RPRD2: variants seen among roughly 807,000 people sequenced by gnomAD.
RPRD2 encodes regulation of nuclear pre-mRNA domain containing 2, also known as regulation of nuclear pre-mRNA domain-containing protein 2.
In RPRD2, 12 loss-of-function variants were observed where a neutral mutation model predicts 104.4. The ratio of observed to expected loss-of-function variants is 0.11; its 90% CI spans 0.07 to 0.19. The LOEUF is 0.19. Among genes scored for constraint, RPRD2 ranks in the 10% least tolerant of loss-of-function variants. The pLI is 1.00. For synonymous variants in RPRD2, 714 were observed against 684.9 expected (o/e 1.04, Z -0.66); for missense variants, 1,543 against 1,790.1 (o/e 0.86, Z 2.49).
At chr1:150,437,027 G>A (rs1295668446) in intron 2 of RPRD2, among the ~76,000 whole-genome samples, 6 of 152,184 alleles carry the variant, frequency 3.9e-5, no homozygotes, top group Admixed American at 2.6e-4. Context: ...GCAACATTGC[G>A]AGACGTAGTC....
At chr1:150,416,728 T>C (rs1572429514) in intron 1 of RPRD2, among the ~76,000 whole-genome samples, 1 of 151,678 alleles carries the variant, frequency 6.6e-6, no homozygotes, top group African/African-American at 2.4e-5. Flanking sequence ...AAAAATTAGC[T>C]GGGCGTGGTA....
intron 2 of RPRD2, among the ~76,000 whole-genome samples, chr1:150,429,847 C>T (rs782178274): frequency 3.9e-5 from 6 of 152,126 alleles, no homozygotes; most frequent in Non-Finnish European, 7.4e-5. Flanking sequence ...ATAACTACAT[C>T]CTTGACAAAA....
chr1:150,374,591 A>G (rs1182836324), intron 1 of RPRD2, among the ~76,000 whole-genome samples: 3 of 152,190 alleles, frequency 2.0e-5, no homozygotes, highest in African/African-American at 7.2e-5. Context: ...GCTCTCTTCC[A>G]GTGTCAGAAT....
chr1:150,391,178 A>G (rs907010673), intron 1 of RPRD2, among the ~76,000 whole-genome samples: 30 of 152,370 alleles, frequency 2.0e-4, no homozygotes, highest in African/African-American at 7.2e-4. Context: ...TTCAAAGTGC[A>G]GAGAGAAAAC....
At chr1:150,419,172 C>G (rs1553889147) in intron 2 of RPRD2, among the ~76,000 whole-genome samples, 1 of 152,094 alleles carries the variant, frequency 6.6e-6, no homozygotes, top group African/African-American at 2.4e-5. Flanking sequence ...ATACTGTGTT[C>G]TTTGTGTTGC....
chr1:150,370,337 A>G (rs587703625), intron 1 of RPRD2, among the ~76,000 whole-genome samples: 78 of 152,182 alleles, frequency 5.1e-4, no homozygotes, highest in African/African-American at 1.9e-3. Context: ...TAAACTGTGA[A>G]CCTCAGTTTT....
chr1:150,454,209 C>G (rs1553897152), intron 7 of RPRD2, among the ~76,000 whole-genome samples: 1 of 152,148 alleles, frequency 6.6e-6, no homozygotes, highest in African/African-American at 2.4e-5. Context: ...TAATTTTTGC[C>G]TGTTAAGACC....
chr1:150,375,010 C>CTTTTTTTTTT (rs34418501), intron 1 of RPRD2, among the ~76,000 whole-genome samples: 1 of 143,612 alleles, frequency 7.0e-6, no homozygotes, highest in Non-Finnish European at 1.5e-5. Flanking sequence ...CCTAAGTCAC[C>CTTTTTTTTTT]TTTTTTTTTT....
chr1:150,392,693 A>G (rs190118238), intron 1 of RPRD2, among the ~76,000 whole-genome samples: 2 of 152,238 alleles, frequency 1.3e-5, no homozygotes, highest in Admixed American at 1.3e-4. Context: ...CTAAATAAAA[A>G]ATAGCTGGGC....
intron 1 of RPRD2, among the ~76,000 whole-genome samples, chr1:150,399,105 G>A (rs1662771421): frequency 6.6e-6 from 1 of 151,834 alleles, no homozygotes. Context: ...AGGCTCTAGG[G>A]ATCCTCCCAC....
intron 1 of RPRD2, among the ~76,000 whole-genome samples, chr1:150,381,615 C>T (rs1040157883): frequency 6.6e-6 from 1 of 151,792 alleles, no homozygotes; most frequent in Non-Finnish European, 1.5e-5. Flanking sequence ...TGCCATTCTC[C>T]TGCCTCAGTC....
intron 10 of RPRD2, among the ~76,000 whole-genome samples, chr1:150,468,700 G>A (rs893146069): frequency 2.6e-5 from 4 of 152,026 alleles, no homozygotes; most frequent in Non-Finnish European, 5.9e-5. Context: ...AACATGGTGA[G>A]ACCTTGTCTC....
intron 7 of RPRD2, among the ~76,000 whole-genome samples, chr1:150,451,162 GTTTA>G (rs1302677298): frequency 6.6e-6 from 1 of 152,092 alleles, no homozygotes; most frequent in African/African-American, 2.4e-5. Context: ...CCCAGTTTGA[GTTTA>G]TTTGATATTT....
At chr1:150,385,234 G>A (rs1327982933) in intron 1 of RPRD2, among the ~76,000 whole-genome samples, 1 of 152,138 alleles carries the variant, frequency 6.6e-6, no homozygotes, top group Non-Finnish European at 1.5e-5. Flanking sequence ...GGCTGAGGTG[G>A]GAGGATTGCA....
rs587644518 is a variant in RPRD2, at chr1:150,405,403, T to G, written c.206-12193T>G. Among the ~76,000 whole-genome samples, 12 of 132,638 alleles carry G rather than the reference T, an allele frequency of 9.0e-5. No homozygotes were observed. In the East Asian group the frequency reaches 2.3e-3, roughly 25 times the overall value. The allele number at this position is 132,638 out of a possible 152,430, so 87.0% of individuals were successfully genotyped here. A position where few individuals can be genotyped will look rare whatever the true frequency, so the allele number is the denominator to read the frequency against. Reference sequence around the variant, plus strand: ...GGAAATTTTTAGTAATGACAAAATTTTTTATTTTTTTTTGGTAAATAGCCT... The same window carrying G: ...GGAAATTTTTAGTAATGACAAAATTGTTTATTTTTTTTTGGTAAATAGCCT... On this transcript the variant is annotated intron_variant, in intron 1 of 10. Transcript: ENST00000369068.
intron 2 of RPRD2, among the ~76,000 whole-genome samples, chr1:150,427,719 A>G (rs1665249657): frequency 6.6e-6 from 1 of 152,082 alleles, no homozygotes; most frequent in South Asian, 2.1e-4. Flanking sequence ...GGATCTCTTG[A>G]GCCCAGGAGG....
At chr1:150,392,330 C>A (rs1662145592) in intron 1 of RPRD2, among the ~76,000 whole-genome samples, 1 of 152,124 alleles carries the variant, frequency 6.6e-6, no homozygotes, top group Non-Finnish European at 1.5e-5. Flanking sequence ...CATGGTGAAA[C>A]CCCATCTCTA....
Position 150,364,669 on chromosome 1 carries a change from C to T in RPRD2, c.-46C>T. The T allele has an allele frequency of 1.7e-6, 2 of 1,162,506 alleles. No homozygotes were observed. The highest frequency in any genetic ancestry group is 2.4e-6 in the Non-Finnish European group (2 of 824,106). The allele number at this position is 1,162,506 out of a possible 1,614,324, so 72.0% of individuals were successfully genotyped here. On this transcript the variant is annotated 5_prime_UTR_variant, in exon 1 of 11. Coordinates refer to ENST00000369068, the MANE Select transcript of RPRD2 (RefSeq NM_015203.5). Reference sequence around the variant, plus strand: ...TTTTGCCCGCTCCCGCCGCCGCCGCCGCCGCCGCCGCCAGAGGAGCAGCAG... The same window carrying T: ...TTTTGCCCGCTCCCGCCGCCGCCGCTGCCGCCGCCGCCAGAGGAGCAGCAG...
At chr1:150,402,871 G>A (rs1265603404) in intron 1 of RPRD2, among the ~76,000 whole-genome samples, 6 of 152,132 alleles carry the variant, frequency 3.9e-5, no homozygotes, top group Non-Finnish European at 8.8e-5. Flanking sequence ...GGGAGGCTGA[G>A]GCAGGAGAAT....
Sources: allele counts gnomAD v4.1 joint callset (sites outside exome capture counted in the v4.1 genomes callset), GRCh38; gene constraint gnomAD v4.1.1; transcripts MANE v1.5; gene names NCBI Gene and HGNC (gene_info 2026-07-23, HGNC 2026-07-21).